KLF12: variants seen among roughly 807,000 people sequenced by gnomAD.
KLF12 encodes KLF transcription factor 12, also known as Krueppel-like factor 12.
A neutral mutation model predicts 37.8 loss-of-function variants in KLF12; 9 were observed. The observed-to-expected ratio is 0.24, with a 90% confidence interval of 0.14 to 0.42. KLF12 has a LOEUF of 0.42. KLF12 is among the 10% of genes least tolerant of loss of function. The pLI is 1.00. For missense variants in KLF12, 411 were observed against 516.0 expected, an observed-to-expected ratio of 0.80 and a Z score of 1.97; for synonymous variants, 208 against 202.1, an observed-to-expected ratio of 1.03 and a Z score of -0.25.
At chr13:74,108,968 ATCAT>A (rs1200636463) in intron 1 of KLF12, among the ~76,000 whole-genome samples, 3 of 152,218 alleles carry the variant, frequency 2.0e-5, no homozygotes, top group African/African-American at 4.8e-5. Context: ...ATGTAAATTA[ATCAT>A]TCATTTTATG....
At chr13:73,732,860 T>C (rs1362191873) in intron 6 of KLF12, among the ~76,000 whole-genome samples, 1 of 152,122 alleles carries the variant, frequency 6.6e-6, no homozygotes, top group East Asian at 1.9e-4. Flanking sequence ...GAACTAGTGA[T>C]GCTTTTCCCC....
At chr13:73,751,664 G>C (rs1411581788) in intron 6 of KLF12, among the ~76,000 whole-genome samples, 2 of 152,282 alleles carry the variant, frequency 1.3e-5, no homozygotes, top group African/African-American at 4.8e-5. Flanking sequence ...ACTGAGGTTA[G>C]GGAATATGAA....
At chr13:74,274,653 A>G in the KLF12 span, among the ~76,000 whole-genome samples, 5 of 149,970 alleles carry the variant, frequency 3.3e-5, no homozygotes, top group Non-Finnish European at 7.4e-5. Flanking sequence ...TTTCTTTGCT[A>G]GTTTGGCGGC....
chr13:73,837,639 CTCAAGTCTTA>C (rs1272045613), intron 4 of KLF12, among the ~76,000 whole-genome samples: 3 of 152,138 alleles, frequency 2.0e-5, no homozygotes, highest in African/African-American at 7.2e-5. Context: ...GAGTGAAACA[CTCAAGTCTTA>C]TCAAAGCCTA....
chr13:74,231,218 T>G, the KLF12 span, among the ~76,000 whole-genome samples: 1 of 141,510 alleles, frequency 7.1e-6, no homozygotes, highest in Non-Finnish European at 1.5e-5. Flanking sequence ...TTTTTTTCCC[T>G]CTGTATCTCC....
the KLF12 span, among the ~76,000 whole-genome samples, chr13:74,290,868 C>T: frequency 0.66 from 101,045 of 152,120 alleles, 34,692 homozygotes; most frequent in East Asian, 0.87. Flanking sequence ...GCACAGCAAA[C>T]GCAACATAGG....
intron 3 of KLF12, among the ~76,000 whole-genome samples, chr13:73,862,148 C>G (rs539910272): frequency 1.3e-5 from 2 of 151,274 alleles, no homozygotes; most frequent in Admixed American, 1.3e-4. Context: ...ATTCACTAAG[C>G]ATCTGTCTTT....
chr13:74,065,257 CTG>C (rs1407904762), intron 1 of KLF12, among the ~76,000 whole-genome samples: 4 of 150,890 alleles, frequency 2.7e-5, no homozygotes, highest in East Asian at 1.9e-4. Context: ...GTATACTACT[CTG>C]TATCTAATTC....
At chr13:74,242,214 C>T in the KLF12 span, among the ~76,000 whole-genome samples, 1 of 152,186 alleles carries the variant, frequency 6.6e-6, no homozygotes, top group Admixed American at 6.5e-5. Flanking sequence ...AATGAGTTTA[C>T]ATGTCCCTGA....
chr13:74,268,550 G>T, the KLF12 span, among the ~76,000 whole-genome samples: 39 of 152,302 alleles, frequency 2.6e-4, no homozygotes, highest in African/African-American at 8.2e-4. Context: ...CTCACTTACA[G>T]TATAATTCAG....
intron 1 of KLF12, among the ~76,000 whole-genome samples, chr13:74,130,900 A>G (rs1878226037): frequency 6.6e-6 from 1 of 152,206 alleles, no homozygotes; most frequent in Non-Finnish European, 1.5e-5. Flanking sequence ...TTGACACTCC[A>G]ATTTAATGTG....
chr13:74,119,083 A>T (rs955695451), intron 1 of KLF12, among the ~76,000 whole-genome samples: 3 of 152,202 alleles, frequency 2.0e-5, no homozygotes, highest in Admixed American at 6.5e-5. Flanking sequence ...CTGTAAACCC[A>T]GTAACTTGGG....
chr13:73,974,741 A>T (rs1891458885), intron 2 of KLF12, among the ~76,000 whole-genome samples: 1 of 152,202 alleles, frequency 6.6e-6, no homozygotes. Flanking sequence ...TTTCTCAGGG[A>T]AAGAAGAATT....
chr13:73,940,196 T>C (rs1890126828), intron 3 of KLF12, among the ~76,000 whole-genome samples: 1 of 152,138 alleles, frequency 6.6e-6, no homozygotes, highest in Non-Finnish European at 1.5e-5. Context: ...GCTAACAGCA[T>C]TTGGGAAGCT....
At chr13:73,860,688 GA>G (rs1236682151) in intron 3 of KLF12, among the ~76,000 whole-genome samples, 1 of 152,092 alleles carries the variant, frequency 6.6e-6, no homozygotes, top group African/African-American at 2.4e-5. Context: ...AGGCTGCACT[GA>G]GCTATGATTG....
chr13:73,788,468 A>T (rs1318131208), intron 5 of KLF12, among the ~76,000 whole-genome samples: 2 of 152,166 alleles, frequency 1.3e-5, no homozygotes, highest in Non-Finnish European at 2.9e-5. Context: ...TCTCAAATGC[A>T]TGTAGGCAGC....
At chr13:73,837,357 C>A (rs1034661139) in intron 4 of KLF12, among the ~76,000 whole-genome samples, 1 of 152,144 alleles carries the variant, frequency 6.6e-6, no homozygotes, top group Non-Finnish European at 1.5e-5. Context: ...GCAGCGAAAT[C>A]GACAGATTGT....
chr13:73,886,729 C>A (rs1455391147), intron 3 of KLF12, among the ~76,000 whole-genome samples: 3 of 152,148 alleles, frequency 2.0e-5, no homozygotes, highest in Non-Finnish European at 4.4e-5. Flanking sequence ...CGGTGGCTCA[C>A]GCCTGTAATC....
At chr13:74,008,068 A>G (rs1170345498) in intron 1 of KLF12, among the ~76,000 whole-genome samples, 2 of 152,214 alleles carry the variant, frequency 1.3e-5, no homozygotes, top group African/African-American at 4.8e-5. Context: ...TGGGGATGGT[A>G]ATGTTTTAAT....
Sources: gnomAD v4.1 joint callset for allele counts (sites outside exome capture counted in the v4.1 genomes callset) on GRCh38, gnomAD v4.1.1 for gene constraint, MANE v1.5 for transcripts, NCBI Gene and HGNC (gene_info 2026-07-23, HGNC 2026-07-21) for gene names.